The following MAML3 variants were observed in gnomAD, a reference collection of about 807,000 sequenced individuals.
MAML3 encodes the protein mastermind like transcriptional coactivator 3.
MAML3 carries 27 observed loss-of-function variants against 101.9 expected under a neutral mutation model. That is an observed-to-expected ratio of 0.27 (90% CI 0.20 to 0.37). The LOEUF is 0.37. Among genes scored for constraint, MAML3 ranks in the 10% least tolerant of loss-of-function variants. The probability of loss-of-function intolerance (pLI) is 1.00; values close to 1 mark genes in which losing one functional copy is unlikely to be tolerated. For missense variants in MAML3, 1,316 were observed against 1,444.9 expected, an observed-to-expected ratio of 0.91 and a Z score of 1.45; for synonymous variants, 501 against 555.9, an observed-to-expected ratio of 0.90 and a Z score of 1.39.
intron 1 of MAML3, among the ~76,000 whole-genome samples, chr4:139,966,332 T>C (rs1734129587): frequency 6.6e-6 from 1 of 152,126 alleles, no homozygotes; most frequent in Admixed American, 6.6e-5. Flanking sequence ...GATGAACACG[T>C]TAGGTTTTAA....
At chr4:139,959,547 A>C (rs928190084) in intron 1 of MAML3, among the ~76,000 whole-genome samples, 1 of 152,124 alleles carries the variant, frequency 6.6e-6, no homozygotes, top group African/African-American at 2.4e-5. Flanking sequence ...AACAAACAAA[A>C]ACTGGCCAGC....
intron 2 of MAML3, among the ~76,000 whole-genome samples, chr4:139,788,982 A>C (rs1730356506): frequency 6.6e-6 from 1 of 152,178 alleles, no homozygotes; most frequent in Admixed American, 6.5e-5. Context: ...AGGAAAGAAG[A>C]CCTTTGTTAT....
chr4:139,911,923 A>G (rs575198533), intron 1 of MAML3, among the ~76,000 whole-genome samples: 2 of 152,350 alleles, frequency 1.3e-5, no homozygotes, highest in East Asian at 3.9e-4. Context: ...GCCTGGAAAG[A>G]CTAAAACATA....
intron 1 of MAML3, among the ~76,000 whole-genome samples, chr4:140,047,950 A>G (rs926596635): frequency 3.3e-5 from 5 of 152,124 alleles, no homozygotes; most frequent in Non-Finnish European, 7.4e-5. Context: ...AAGAACAAAA[A>G]CATTCCAGTT....
chr4:140,113,278 C>CA (rs999881419), intron 1 of MAML3, among the ~76,000 whole-genome samples: 158 of 151,174 alleles, frequency 1.0e-3, no homozygotes, highest in Non-Finnish European at 2.7e-4. Flanking sequence ...GACTCGGTCT[C>CA]AAAAAAATAA....
At chr4:139,825,842 G>A (rs1417720281) in intron 2 of MAML3, among the ~76,000 whole-genome samples, 1 of 152,094 alleles carries the variant, frequency 6.6e-6, no homozygotes, top group Non-Finnish European at 1.5e-5. Flanking sequence ...TGGCAATGAG[G>A]AACAATAGAT....
At chr4:140,061,161 C>T (rs1727442161) in intron 1 of MAML3, among the ~76,000 whole-genome samples, 1 of 152,220 alleles carries the variant, frequency 6.6e-6, no homozygotes, top group African/African-American at 2.4e-5. Flanking sequence ...TTCCCTCAGC[C>T]ACCAGCACCA....
At chr4:140,137,676 A>G (rs981958872) in intron 1 of MAML3, among the ~76,000 whole-genome samples, 22 of 152,282 alleles carry the variant, frequency 1.4e-4, no homozygotes, top group African/African-American at 5.3e-4. Context: ...CGGCATTAGA[A>G]AAAGTGGATG....
At chr4:139,923,779 C>G (rs1466000176) in intron 1 of MAML3, among the ~76,000 whole-genome samples, 2 of 152,094 alleles carry the variant, frequency 1.3e-5, no homozygotes, top group Non-Finnish European at 2.9e-5. Context: ...CTCATAGGGT[C>G]ATAAGTTACT....
intron 2 of MAML3, among the ~76,000 whole-genome samples, chr4:139,764,056 C>A (rs1433264735): frequency 6.6e-6 from 1 of 152,196 alleles, no homozygotes; most frequent in Non-Finnish European, 1.5e-5. Context: ...AAGTCATTTC[C>A]TCATTTTGCC....
At chr4:140,107,951 A>G (rs1728380022) in intron 1 of MAML3, among the ~76,000 whole-genome samples, 1 of 152,092 alleles carries the variant, frequency 6.6e-6, no homozygotes, top group Non-Finnish European at 1.5e-5. Flanking sequence ...AAACAAAACA[A>G]AATCTACAGG....
chr4:139,930,320 A>G (rs938141067), intron 1 of MAML3, among the ~76,000 whole-genome samples: 2 of 152,190 alleles, frequency 1.3e-5, no homozygotes, highest in South Asian at 4.1e-4. Flanking sequence ...ATACGTTTCC[A>G]GGCAGAGTTT....
chr4:139,864,125 C>A (rs1335513491), intron 2 of MAML3, among the ~76,000 whole-genome samples: 1 of 152,154 alleles, frequency 6.6e-6, no homozygotes, highest in African/African-American at 2.4e-5. Context: ...CAATTTCAGA[C>A]ATGAACTTAA....
intron 1 of MAML3, among the ~76,000 whole-genome samples, chr4:140,120,236 C>CA (rs35845014): frequency 9.1e-4 from 82 of 90,006 alleles, no homozygotes; most frequent in African/African-American, 2.7e-3. Context: ...GACTCCGTCT[C>CA]AAAAAAAAAA....
intron 2 of MAML3, among the ~76,000 whole-genome samples, chr4:139,836,086 C>T (rs958302028): frequency 1.6e-4 from 25 of 152,146 alleles, no homozygotes; most frequent in Non-Finnish European, 3.4e-4. Context: ...ATCATGTGAC[C>T]CTTGGCCCTC....
At chr4:139,760,014 C>T (rs28582297) in intron 2 of MAML3, among the ~76,000 whole-genome samples, 37,327 of 152,146 alleles carry the variant, frequency 0.25, 4,643 homozygotes, top group Non-Finnish European at 0.25. Context: ...TTCTCAACAA[C>T]ACGGTATTTG....
At chr4:139,775,183 A>G (rs1408226298) in intron 2 of MAML3, among the ~76,000 whole-genome samples, 2 of 152,160 alleles carry the variant, frequency 1.3e-5, no homozygotes, top group Non-Finnish European at 2.9e-5. Context: ...TCCTATTTTC[A>G]TTGCCCTAGG....
intron 1 of MAML3, chr4:140,134,291 G>A (rs1728845676): frequency 2.2e-6 from 1 of 456,754 alleles, no homozygotes; most frequent in Non-Finnish European, 4.4e-6. Flanking sequence ...AAGGTTGAAA[G>A]GATGTTCCCA....
In MAML3 at chr4:139,807,963, C is replaced by T. The variant is rs1469476646; in HGVS notation, c.2080-77296G>A. Among the ~76,000 whole-genome samples the T allele has an allele frequency of 3.3e-5, 5 of 152,316 alleles. No homozygotes were observed. The South Asian group carries it at 8.3e-4, about 25-fold the overall frequency. On this transcript the variant is annotated intron_variant, in intron 2 of 4. Coordinates refer to ENST00000509479, the MANE Select transcript of MAML3 (RefSeq NM_018717.5). ...GTTCAACAGCAGCACTGATTCATAGCCAGGGCTGTTCTATAATCAGGACTG... is the reference window on the plus strand; with the variant it reads ...GTTCAACAGCAGCACTGATTCATAGTCAGGGCTGTTCTATAATCAGGACTG...
Sources: gnomAD v4.1 joint callset for allele counts (sites outside exome capture counted in the v4.1 genomes callset) on GRCh38, gnomAD v4.1.1 for gene constraint, MANE v1.5 for transcripts, NCBI Gene and HGNC (gene_info 2026-07-23, HGNC 2026-07-21) for gene names.